The following FGGY variants were observed in gnomAD, a reference collection of about 807,000 sequenced individuals.
FGGY encodes the protein FGGY carbohydrate kinase domain-containing protein.
In FGGY, 72 loss-of-function variants were observed where a neutral mutation model predicts 71.3. The observed-to-expected ratio is 1.01, with a 90% CI of 0.84 to 1.23. FGGY has a LOEUF of 1.23. Ranked by LOEUF, FGGY falls within the 50% of genes most tolerant of loss-of-function variation. FGGY has a pLI of 0.00. For missense variants in FGGY, 668 were observed against 682.3 expected (o/e 0.98, Z 0.23); for synonymous variants, 251 against 250.3 (o/e 1.00, Z -0.02).
intron 14 of FGGY, among the ~76,000 whole-genome samples, chr1:59,674,677 GACAAAAAAGA>G (rs2097418777): frequency 6.6e-6 from 1 of 152,102 alleles, no homozygotes; most frequent in Non-Finnish European, 1.5e-5. Context: ...TGGCAGGCAA[GACAAAAAAGA>G]ACACATGATA....
rs200675231 is a variant in FGGY, at chr1:59,401,138, CTATT to C, written c.554+22302_554+22305del. On this transcript the variant is annotated intron_variant, in intron 5 of 15. Coordinates refer to ENST00000303721, the MANE Select transcript of FGGY (RefSeq NM_018291.5). Reference sequence around the variant, plus strand: ...CTCTCTTTCTTAGTGTTCGGTTTAACTATTAATCTTATCCTGTTAAATTATTTAA... The same window carrying C: ...CTCTCTTTCTTAGTGTTCGGTTTAACAATCTTATCCTGTTAAATTATTTAA... Among the ~76,000 whole-genome samples the C allele has an allele frequency of 2.8e-4, 42 of 152,236 alleles. No homozygotes were observed. In the East Asian group the frequency reaches 7.7e-3, roughly 28 times the overall value.
chr1:59,546,175 C>T (rs892934131), intron 7 of FGGY, among the ~76,000 whole-genome samples: 3 of 152,136 alleles, frequency 2.0e-5, no homozygotes, highest in African/African-American at 7.2e-5. Context: ...TTGTTCCCCT[C>T]AGTTAATCTC....
chr1:59,416,232 G>A (rs543267638), intron 5 of FGGY, among the ~76,000 whole-genome samples: 1 of 152,244 alleles, frequency 6.6e-6, no homozygotes, highest in East Asian at 1.9e-4. Flanking sequence ...TGGTTCTTGG[G>A]GGATGAAAAA....
At chr1:59,723,283 T>C (rs34294466) in intron 14 of FGGY, among the ~76,000 whole-genome samples, 20,464 of 152,234 alleles carry the variant, frequency 0.13, 1,891 homozygotes, top group Admixed American at 0.29. Flanking sequence ...GTAATCATCT[T>C]TTTGATATTA....
intron 6 of FGGY, among the ~76,000 whole-genome samples, chr1:59,511,200 G>A (rs771198111): frequency 6.6e-6 from 1 of 152,118 alleles, no homozygotes; most frequent in Non-Finnish European, 1.5e-5. Flanking sequence ...CCATTTAGAG[G>A]AGGTTGGTTA....
At chr1:59,577,380 C>T (rs2096099861) in intron 8 of FGGY, among the ~76,000 whole-genome samples, 1 of 152,100 alleles carries the variant, frequency 6.6e-6, no homozygotes, top group Non-Finnish European at 1.5e-5. Context: ...TAAAGTTGGC[C>T]ACTGTCTTTC....
intron 9 of FGGY, among the ~76,000 whole-genome samples, chr1:59,621,615 T>A (rs941770735): frequency 1.6e-4 from 25 of 151,990 alleles, no homozygotes; most frequent in Non-Finnish European, 2.8e-4. Context: ...ATTTACAGGT[T>A]TTTTTTTCCA....
At position 59,650,754 on chromosome 1, in the gene FGGY, G is replaced by A. The variant is rs1056490495; in HGVS notation, c.1222-9465G>A. On this transcript the variant is annotated intron_variant, in intron 11 of 15. Coordinates refer to ENST00000303721, the MANE Select transcript of FGGY (RefSeq NM_018291.5). ...GTTTTTTGTGTCTCTATTTCCTTCAGTTCTGCTCTGATCTTAGTTATTTCT... is the reference window on the plus strand; with the variant it reads ...GTTTTTTGTGTCTCTATTTCCTTCAATTCTGCTCTGATCTTAGTTATTTCT... Among the ~76,000 whole-genome samples, 2 of 139,236 alleles carry A rather than the reference G, an allele frequency of 1.4e-5. 1 individual carries two copies. The highest frequency in any genetic ancestry group is 6.3e-5 in the African/African-American group (2 of 31,852). 91.3% of individuals were successfully genotyped at this position (139,236 alleles called of 152,430 possible).
chr1:59,456,175 T>G (rs2091669847), intron 5 of FGGY, among the ~76,000 whole-genome samples: 1 of 152,226 alleles, frequency 6.6e-6, no homozygotes, highest in East Asian at 1.9e-4. Flanking sequence ...CTTAGCCACA[T>G]GCCATTTACT....
chr1:59,740,867 A>G (rs1441150290), intron 14 of FGGY, among the ~76,000 whole-genome samples: 1 of 152,218 alleles, frequency 6.6e-6, no homozygotes, highest in African/African-American at 2.4e-5. Flanking sequence ...AACCCGCGAG[A>G]TGTGGCTAGT....
chr1:59,497,043 G>A (rs899698852), intron 6 of FGGY, among the ~76,000 whole-genome samples: 1 of 152,206 alleles, frequency 6.6e-6, no homozygotes, highest in South Asian at 2.1e-4. Flanking sequence ...TGTGAAACAG[G>A]TAAGCATTCA....
intron 8 of FGGY, among the ~76,000 whole-genome samples, chr1:59,606,778 G>A (rs757080008): frequency 2.0e-5 from 3 of 152,090 alleles, no homozygotes; most frequent in Admixed American, 6.5e-5. Context: ...TCTAAATGGC[G>A]GCCTCTATCT....
intron 14 of FGGY, among the ~76,000 whole-genome samples, chr1:59,751,629 A>AT (rs759113899): frequency 6.6e-6 from 1 of 152,152 alleles, no homozygotes; most frequent in African/African-American, 2.4e-5. Flanking sequence ...ATTTTTGATG[A>AT]TTTTTAAATG....
At chr1:59,514,628 C>G (rs1388349592) in intron 7 of FGGY, among the ~76,000 whole-genome samples, 1 of 152,022 alleles carries the variant, frequency 6.6e-6, no homozygotes, top group East Asian at 1.9e-4. Context: ...TGGGAGGGAC[C>G]CAGGGGGAGG....
rs534068114 is a variant in FGGY at position 59,696,515 on chromosome 1, C to T, written c.1512+22382C>T. On this transcript the variant is annotated intron_variant, in intron 14 of 15. Transcript: ENST00000303721. The stretch of plus-strand genomic sequence containing the variant: ...AAAGTGCCTCATGCATAAAAGGCCC[C>T]AGTAAATGCTTTCTTCCTCCCTGAT... Among the ~76,000 whole-genome samples, 34 of 152,322 alleles carry T rather than the reference C, an allele frequency of 2.2e-4. 1 individual carries two copies. In the South Asian group the frequency reaches 6.8e-3, roughly 31 times the overall value.
chr1:59,646,288 T>G (rs2097093273), intron 11 of FGGY, among the ~76,000 whole-genome samples: 1 of 152,164 alleles, frequency 6.6e-6, no homozygotes, highest in African/African-American at 2.4e-5. Context: ...GTGGATGTTT[T>G]TGCTGTTATT....
rs183875549 is a variant in FGGY at position 59,323,310 on chromosome 1, A to G, written c.201+1560A>G. Among the ~76,000 whole-genome samples, 432 of 152,326 alleles carry G rather than the reference A, an allele frequency of 2.8e-3. 4 individuals are homozygous for G. The highest frequency in any genetic ancestry group is 9.5e-3 in the African/African-American group (394 of 41,582). On this transcript the variant is annotated intron_variant, in intron 2 of 15. Transcript: ENST00000303721. ...AATGGTAGATTTTTAATCATCTCCC[A>G]GTGGTGGCCAACTTATCATCTGTTT... is the stretch of plus-strand genomic sequence containing the variant.
At chr1:59,669,965 C>T (rs1365369065) in intron 13 of FGGY, among the ~76,000 whole-genome samples, 1 of 152,152 alleles carries the variant, frequency 6.6e-6, no homozygotes, top group Non-Finnish European at 1.5e-5. Context: ...GCTTTGGAAA[C>T]TGTTCTCCTC....
chr1:59,463,009 G>A lies in FGGY; in HGVS notation c.670+5933G>A, dbSNP rs555710076. 4.7e-3 allele frequency among the ~76,000 whole-genome samples: 709 copies of A among 152,164 alleles called. 7 individuals are homozygous for A. Among genetic ancestry groups the A allele is most frequent in the African/African-American group, 0.016 (673 of 41,484 alleles). ...TGCTGCTATAAAGACACATGCACAC[G>A]TATGTTTATTGCGGCTCTGTTCACA... On this transcript the variant is annotated intron_variant, in intron 6 of 15. Coordinates refer to ENST00000303721, the MANE Select transcript of FGGY (RefSeq NM_018291.5).
Sources: gnomAD v4.1 joint callset for allele counts (sites outside exome capture counted in the v4.1 genomes callset) on GRCh38, gnomAD v4.1.1 for gene constraint, MANE v1.5 for transcripts, NCBI Gene and HGNC (gene_info 2026-07-23, HGNC 2026-07-21) for gene names.